Variants in NAPEPLD observed in about 807,000 individuals in gnomAD.
NAPEPLD encodes the protein N-acyl phosphatidylethanolamine phospholipase D.
Under a neutral mutation model 38.1 loss-of-function variants are expected in NAPEPLD, and 23 were observed. That is an observed-to-expected ratio of 0.60 (90% CI 0.43 to 0.86). NAPEPLD has a LOEUF of 0.86. NAPEPLD is among the 40% of genes least tolerant of loss of function. The pLI is 0.00. For missense variants in NAPEPLD, 411 were observed against 476.8 expected (o/e 0.86, Z 1.28); for synonymous variants, 147 against 162.0 (o/e 0.91, Z 0.71).
chr7:103,148,673 T>G, intron 1 of NAPEPLD, 138 bp downstream of exon 1: 1 of 443,986 alleles, frequency 2.3e-6, no homozygotes, highest in Non-Finnish European at 3.0e-6. Flanking sequence ...ATAAGTACAC[T>G]TATTCCAAAA....
intron 1 of NAPEPLD, chr7:103,141,502 C>G: frequency 7.0e-7 from 1 of 1,425,036 alleles, no homozygotes; most frequent in Non-Finnish European, 9.9e-7. Context: ...CCTTGTCTGC[C>G]TTCAGCTTGT....
intron 1 of NAPEPLD, among the ~76,000 whole-genome samples, chr7:103,136,128 G>A (rs1810001636): frequency 6.6e-6 from 1 of 151,604 alleles, no homozygotes; most frequent in Admixed American, 6.6e-5. Flanking sequence ...TTAGCCAAGA[G>A]TGGTGGTGCA....
intron 1 of NAPEPLD, among the ~76,000 whole-genome samples, chr7:103,143,081 A>AAAAC (rs1554541129): frequency 5.2e-5 from 1 of 19,116 alleles, no homozygotes; most frequent in Non-Finnish European, 5.3e-4. Flanking sequence ...ACAAAAAAAC[A>AAAAC]AAAAAACAAA....
intron 1 of NAPEPLD, among the ~76,000 whole-genome samples, chr7:103,138,580 T>C (rs577451329): frequency 4.1e-4 from 63 of 151,924 alleles, no homozygotes; most frequent in Non-Finnish European, 2.6e-4. Context: ...ACGATTCTCC[T>C]GCCTCAGCCT....
At position 103,103,187 on chromosome 7, in the gene NAPEPLD, T is replaced by C. The variant is rs1802644205; in HGVS notation, c.*242A>G. On this transcript the variant is annotated 3_prime_UTR_variant, in exon 5 of 5. Transcript: ENST00000465647. ...CCATTGCAGTGCTTATATCATGATA[T>C]GAAATTTAAAATCCACATTAGCCAA... The C allele has an allele frequency of 6.7e-6, 2 of 299,608 alleles. No individual in the cohort carries two copies. Among genetic ancestry groups the C allele is most frequent in the Non-Finnish European group, 1.2e-5 (2 of 164,456 alleles). The allele number at this position is 299,608 out of a possible 1,614,324, so 18.6% of individuals were successfully genotyped here. A position where few individuals can be genotyped will look rare whatever the true frequency, so the allele number is the denominator to read the frequency against.
intron 1 of NAPEPLD, among the ~76,000 whole-genome samples, chr7:103,131,520 G>A (rs781220158): frequency 1.3e-5 from 2 of 152,038 alleles, no homozygotes; most frequent in African/African-American, 2.4e-5. Flanking sequence ...GTAGCCGGGC[G>A]TGGTGGACCT....
intron 4 of NAPEPLD, among the ~76,000 whole-genome samples, chr7:103,109,859 T>C (rs6465895): frequency 0.94 from 142,540 of 152,086 alleles, 67,456 homozygotes; most frequent in East Asian, 1. Context: ...AGAATCAAAT[T>C]GACGCAATAA....
At chr7:103,137,151 C>T (rs974011477) in intron 1 of NAPEPLD, among the ~76,000 whole-genome samples, 13 of 152,196 alleles carry the variant, frequency 8.5e-5, no homozygotes, top group Non-Finnish European at 2.9e-5. Context: ...GTTGGCCAGG[C>T]TGGTCTCAAA....
intron 4 of NAPEPLD, among the ~76,000 whole-genome samples, chr7:103,109,208 G>A (rs1214735014): frequency 2.0e-5 from 3 of 152,054 alleles, no homozygotes; most frequent in Non-Finnish European, 4.4e-5. Flanking sequence ...AGGATATCAA[G>A]GAACTGAACT....
chr7:103,120,154 C>T lies in NAPEPLD; in HGVS notation c.364G>A (p.Glu122Lys). The change falls in exon 3 of 5, where the codon GAA becomes AAA. Residue 122 changes from glutamate (E) to lysine (K), a missense_variant. Glu to Lys is a moderately conservative substitution (Grantham distance 56, BLOSUM62 1). Transcript: ENST00000465647. ...ITNPEEAGVREAGLRVTWLGH... is the reference protein window; with the variant it reads ...ITNPEEAGVRKAGLRVTWLGH... ...AGCCATGTGACTCTTAAGCCAGCTT[C>T]CCTCACTCCAGCTTCTTCAGGGTTA... 6.2e-7 allele frequency: 1 copy of T among 1,614,178 alleles called. No homozygotes were observed. The highest frequency in any genetic ancestry group is 8.5e-7 in the Non-Finnish European group (1 of 1,180,036).
intron 4 of NAPEPLD, among the ~76,000 whole-genome samples, chr7:103,110,974 CAA>C (rs1804405571): frequency 1.3e-5 from 2 of 152,010 alleles, no homozygotes; most frequent in South Asian, 4.1e-4. Context: ...CAATAACAGG[CAA>C]AGAGTCAAAT....
intron 1 of NAPEPLD, among the ~76,000 whole-genome samples, chr7:103,145,629 C>G (rs1180365800): frequency 6.6e-6 from 1 of 152,214 alleles, no homozygotes; most frequent in Non-Finnish European, 1.5e-5. Flanking sequence ...TCCCTTCCAA[C>G]TTGAACATTC....
At chr7:103,132,991 C>T (rs564929842) in intron 1 of NAPEPLD, among the ~76,000 whole-genome samples, 1 of 152,108 alleles carries the variant, frequency 6.6e-6, no homozygotes, top group Non-Finnish European at 1.5e-5. Context: ...CCTAACAAAC[C>T]CCCTCCCCTA....
At chr7:103,119,255 A>G (rs1018852615) in intron 3 of NAPEPLD, among the ~76,000 whole-genome samples, 6 of 152,190 alleles carry the variant, frequency 3.9e-5, no homozygotes, top group African/African-American at 1.4e-4. Flanking sequence ...AAATATTTTA[A>G]TTCTCACCAC....
At chr7:103,140,391 T>TTC (rs1477896081) in intron 1 of NAPEPLD, among the ~76,000 whole-genome samples, 1 of 142,018 alleles carries the variant, frequency 7.0e-6, no homozygotes, top group Admixed American at 7.0e-5. Flanking sequence ...AGAACTCTTT[T>TTC]TTTTTTTTTT....
chr7:103,145,341 C>T (rs1812315752), intron 1 of NAPEPLD, among the ~76,000 whole-genome samples: 1 of 152,166 alleles, frequency 6.6e-6, no homozygotes, highest in Non-Finnish European at 1.5e-5. Context: ...TATTAGCGTT[C>T]ACCCAGCTAA....
At position 103,102,835 on chromosome 7, in the gene NAPEPLD, T is replaced by G. The variant is rs1458158127; in HGVS notation, c.*594A>C. The G allele has an allele frequency of 6.6e-6, 1 of 152,618 alleles. No individual in the cohort carries two copies. The highest frequency in any genetic ancestry group is 1.5e-5 in the Non-Finnish European group (1 of 68,022). The allele number at this position is 152,618 out of a possible 1,614,324, so 9.5% of individuals were successfully genotyped here. A position where few individuals can be genotyped will look rare whatever the true frequency, so the allele number is the denominator to read the frequency against. On this transcript the variant is annotated 3_prime_UTR_variant, in exon 5 of 5. Coordinates refer to ENST00000465647, the MANE Select transcript of NAPEPLD (RefSeq NM_001122838.3). ...TTTTACCACAATAGAGAAAATCAAG[T>G]CTTTAAAAATGATAGCCCCTATGTT...
rs1291253906 is a variant in NAPEPLD, at chr7:103,102,142, C to T, written c.*1287G>A. 6.6e-6 allele frequency: 1 copy of T among 151,118 alleles called. No individual in the cohort carries two copies. Among genetic ancestry groups the T allele is most frequent in the Non-Finnish European group, 1.5e-5 (1 of 67,844 alleles). 9.4% of individuals were successfully genotyped at this position (151,118 alleles called of 1,614,324 possible). A position where few individuals can be genotyped will look rare whatever the true frequency, so the allele number is the denominator to read the frequency against. On this transcript the variant is annotated 3_prime_UTR_variant, in exon 5 of 5. Coordinates refer to ENST00000465647, the MANE Select transcript of NAPEPLD (RefSeq NM_001122838.3). The stretch of plus-strand genomic sequence containing the variant: ...GATTGATATATTTAGAGCTAAGAGA[C>T]TCCAGGAAAAAAAAAATGTGTAGAG...
chr7:103,119,632 T>A lies in NAPEPLD; in HGVS notation c.886A>T (p.Lys296Ter). The A allele has an allele frequency of 6.2e-7, 1 of 1,614,158 alleles. No homozygotes were observed. Among genetic ancestry groups the A allele is most frequent in the East Asian group, 2.2e-5 (1 of 44,878 alleles). Residue 296 changes from lysine (K) to a stop codon, truncating the protein, a stop_gained, in exon 3 of 5, where the codon AAA becomes TAA. Coordinates refer to ENST00000465647, the MANE Select transcript of NAPEPLD (RefSeq NM_001122838.3). LOFTEE classifies it high-confidence loss of function. ...GCAAGGTCAAAAGGTCCAAATCTTT[T>A]TCCTATCTCTTCAAAAGCAGGGCAA... is the stretch of plus-strand genomic sequence containing the variant. ...GYCPAFEEIGKRFGPFDLAAI... is the reference protein window; with the variant it reads ...GYCPAFEEIG
Sources: allele counts gnomAD v4.1 joint callset (sites outside exome capture counted in the v4.1 genomes callset), GRCh38; gene constraint gnomAD v4.1.1; transcripts MANE v1.5; gene names NCBI Gene and HGNC (gene_info 2026-07-23, HGNC 2026-07-21).